DCDC1: variants seen among roughly 807,000 people sequenced by gnomAD.
DCDC1 encodes the protein doublecortin domain containing 1, also known as doublecortin domain-containing protein 1.
In DCDC1, 200 loss-of-function variants were observed where a neutral mutation model predicts 178.3. The observed-to-expected ratio is 1.12, with a 90% confidence interval of 1.00 to 1.26. DCDC1 has a LOEUF of 1.26. Ranked by LOEUF, DCDC1 falls within the 50% of genes most tolerant of loss-of-function variation. The pLI, the probability that DCDC1 is intolerant of heterozygous loss-of-function variation, is 0.00. For synonymous variants in DCDC1, 690 were observed against 604.8 expected, an observed-to-expected ratio of 1.14 and a Z score of -2.07; for missense variants, 1,983 against 1,749.2, an observed-to-expected ratio of 1.13 and a Z score of -2.38.
In DCDC1 at chr11:30,931,936, A is replaced by G. The variant is rs1946954955; in HGVS notation, c.2732T>C (p.Ile911Thr). The change falls in exon 22 of 39, where the codon ATA (isoleucine) becomes ACA (threonine). Residue 911 changes from isoleucine (I) to threonine (T), a missense_variant. Transcript: ENST00000684477. ...ACTGCTCGGAACAAGCAGTCCTTGT[A>G]TTGGCCAATCAAACTCCTTCAGAAA... The part of the protein sequence containing the change: ...GQLNEEFDWP[I>T]QGLLVPSSPP... The G allele has an allele frequency of 3.7e-6, 6 of 1,607,870 alleles. No homozygotes were observed. The Middle Eastern group carries it at 5.0e-4, about 133-fold the overall frequency.
At chr11:31,259,225 T>C (rs895991265) in intron 8 of DCDC1, among the ~76,000 whole-genome samples, 1 of 151,990 alleles carries the variant, frequency 6.6e-6, no homozygotes, top group Non-Finnish European at 1.5e-5. Flanking sequence ...TGGTGGCAGG[T>C]GCCTGTAATC....
intron 1 of DCDC1, among the ~76,000 whole-genome samples, chr11:31,368,069 C>A (rs1483778346): frequency 6.6e-6 from 1 of 151,894 alleles, no homozygotes; most frequent in Non-Finnish European, 1.5e-5. Flanking sequence ...TTCAATTAAC[C>A]GTGGAAATGT....
intron 11 of DCDC1, among the ~76,000 whole-genome samples, chr11:31,112,147 T>G (rs1959188065): frequency 6.6e-6 from 1 of 152,220 alleles, no homozygotes; most frequent in Non-Finnish European, 1.5e-5. Flanking sequence ...ACATATAATG[T>G]GTTTTCACTG....
In DCDC1 at chr11:31,079,341, T is replaced by C. The variant is rs1323065270; in HGVS notation, c.2238-1416A>G. 2.0e-5 allele frequency among the ~76,000 whole-genome samples: 3 copies of C among 152,186 alleles called. No homozygotes were observed. The East Asian group carries it at 5.8e-4, about 29-fold the overall frequency. On this transcript the variant is annotated intron_variant, in intron 17 of 38. Coordinates refer to ENST00000684477, the MANE Select transcript of DCDC1 (RefSeq NM_001387274.1). ...CAGAAGCTCCTGTCCTCAGGACACT[T>C]CCAGACCTTGCCCTGTGTACCTCTT...
intron 36 of DCDC1, among the ~76,000 whole-genome samples, chr11:30,889,637 C>G (rs899746180): frequency 6.6e-6 from 1 of 152,154 alleles, no homozygotes; most frequent in African/African-American, 2.4e-5. Context: ...ACATTCCTAA[C>G]TGATGACAAA....
At chr11:31,339,112 T>A (rs1294642877) in intron 1 of DCDC1, among the ~76,000 whole-genome samples, 1 of 152,186 alleles carries the variant, frequency 6.6e-6, no homozygotes, top group Non-Finnish European at 1.5e-5. Flanking sequence ...AGACTTCTTT[T>A]TTCCATTTCC....
Position 31,102,222 on chromosome 11 carries a change from G to T in DCDC1, c.1938C>A (p.Asp646Glu), listed in dbSNP as rs368280662. Residue 646 changes from aspartate to glutamate, a missense_variant, in exon 15 of 39, where the codon GAC becomes GAA. Transcript: ENST00000684477. ...NFNCTSQQIP[D>E]QFEKVDLENH... is the part of the protein sequence containing the mutation. ...TCTCCAAGTCCACCTTTTCAAACTG[G>T]TCAGGTATCTGTTGACTGGTACAGT... The T allele has an allele frequency of 1.4e-6, 1 of 738,208 alleles. No individual in the cohort carries two copies. The highest frequency in any genetic ancestry group is 2.5e-6 in the Non-Finnish European group (1 of 400,636). 45.7% of individuals were successfully genotyped at this position (738,208 alleles called of 1,614,324 possible).
chr11:30,910,157 C>T lies in DCDC1; in HGVS notation c.3748-1041G>A, dbSNP rs139992610. ...ATGAACTTTAATATTTTCTCACAAACGAGTTGTTTCAATAAACGCAACACC... is the reference window on the plus strand; with the variant it reads ...ATGAACTTTAATATTTTCTCACAAATGAGTTGTTTCAATAAACGCAACACC... On this transcript the variant is annotated intron_variant, in intron 28 of 38. Coordinates refer to ENST00000684477, the MANE Select transcript of DCDC1 (RefSeq NM_001387274.1). Among the ~76,000 whole-genome samples the T allele has an allele frequency of 6.4e-3, 970 of 152,206 alleles. 3 individuals are homozygous for T. The highest frequency in any genetic ancestry group is 0.016 in the African/African-American group (646 of 41,536).
chr11:31,064,605 T>G lies in DCDC1; in HGVS notation c.2455A>C (p.Asn819His). The change falls in exon 20 of 39, where the codon AAC becomes CAC. Residue 819 changes from asparagine to histidine, a missense_variant. Transcript: ENST00000684477. ...AEEVLQESASNLGLKQLPEPS... is the reference protein window; with the variant it reads ...AEEVLQESASHLGLKQLPEPS... ...TCTGGCAGTTGCTTCAGACCAAGGTTGCTGGCACTTTCTTGCAGAACCTAA... is the reference window on the plus strand; with the variant it reads ...TCTGGCAGTTGCTTCAGACCAAGGTGGCTGGCACTTTCTTGCAGAACCTAA... 1 of 765,758 alleles carries G rather than the reference T, an allele frequency of 1.3e-6. No homozygotes were observed. Among genetic ancestry groups the G allele is most frequent in the Non-Finnish European group, 2.4e-6 (1 of 417,520 alleles). The allele number at this position is 765,758 out of a possible 1,614,324, so 47.4% of individuals were successfully genotyped here.
intron 3 of DCDC1, among the ~76,000 whole-genome samples, chr11:31,324,236 A>T (rs1486656241): frequency 6.6e-6 from 1 of 152,062 alleles, no homozygotes; most frequent in Non-Finnish European, 1.5e-5. Flanking sequence ...ACTTCTAAAG[A>T]AGAAGAACAA....
At position 31,351,242 on chromosome 11, in the gene DCDC1, T is replaced by G. The variant is rs72888171; in HGVS notation, c.-124-15678A>C. Among the ~76,000 whole-genome samples, 571 of 152,240 alleles carry G rather than the reference T, an allele frequency of 3.8e-3. 2 individuals carry two copies. Among genetic ancestry groups the G allele is most frequent in the Non-Finnish European group, 6.7e-3 (455 of 67,956 alleles). The stretch of plus-strand genomic sequence containing the variant: ...GGTATTTTTCTTCAAAAATATGCAT[T>G]AGAATAAATATTTTTCTAAATACTA... On this transcript the variant is annotated intron_variant, in intron 1 of 38. Coordinates refer to ENST00000684477, the MANE Select transcript of DCDC1 (RefSeq NM_001387274.1).
chr11:31,310,651 A>G (rs569491158), intron 3 of DCDC1, among the ~76,000 whole-genome samples: 21 of 152,064 alleles, frequency 1.4e-4, no homozygotes, highest in Admixed American at 1.2e-3. Flanking sequence ...TCTTATAACA[A>G]TTGATAGGTG....
chr11:30,907,620 T>C (rs968711749), intron 29 of DCDC1, among the ~76,000 whole-genome samples: 1 of 151,960 alleles, frequency 6.6e-6, no homozygotes, highest in Non-Finnish European at 1.5e-5. Context: ...AGAAGACATG[T>C]AGTTGAAGAA....
intron 7 of DCDC1, among the ~76,000 whole-genome samples, chr11:31,278,712 G>A (rs1946175059): frequency 6.6e-6 from 1 of 152,030 alleles, no homozygotes; most frequent in Non-Finnish European, 1.5e-5. Flanking sequence ...TAATTCAACT[G>A]TTAATCAGCT....
At chr11:31,367,719 C>T (rs144195766) in intron 1 of DCDC1, among the ~76,000 whole-genome samples, 1 of 152,264 alleles carries the variant, frequency 6.6e-6, no homozygotes, top group Non-Finnish European at 1.5e-5. Flanking sequence ...TGTAAAGTAT[C>T]GCCTTAATAA....
At chr11:31,326,500 A>T (rs1949655779) in intron 3 of DCDC1, among the ~76,000 whole-genome samples, 1 of 152,226 alleles carries the variant, frequency 6.6e-6, no homozygotes, top group East Asian at 1.9e-4. Flanking sequence ...TACACATTAT[A>T]TTAGAATTGG....
At chr11:30,888,608 T>G (rs943894140) in intron 36 of DCDC1, among the ~76,000 whole-genome samples, 3 of 151,982 alleles carry the variant, frequency 2.0e-5, no homozygotes, top group Non-Finnish European at 4.4e-5. Flanking sequence ...TCCCAGCTAC[T>G]CAGAAGGCTG....
At chr11:31,173,238 C>A (rs981666740) in intron 9 of DCDC1, among the ~76,000 whole-genome samples, 2 of 152,014 alleles carry the variant, frequency 1.3e-5, no homozygotes, top group Non-Finnish European at 2.9e-5. Context: ...AAGAAAGTGA[C>A]GAAGAATTTG....
intron 30 of DCDC1, among the ~76,000 whole-genome samples, 152 bp from the exon 31 acceptor site, chr11:30,905,316 C>T (rs1349797745): frequency 2.6e-5 from 4 of 152,092 alleles, no homozygotes; most frequent in South Asian, 2.1e-4. Context: ...ATACTAGAGC[C>T]GGAAGGATGT....
Sources: gnomAD v4.1 joint callset for allele counts (sites outside exome capture counted in the v4.1 genomes callset) on GRCh38, gnomAD v4.1.1 for gene constraint, MANE v1.5 for transcripts, NCBI Gene and HGNC (gene_info 2026-07-23, HGNC 2026-07-21) for gene names.